Variants in SLC4A4 observed in about 807,000 individuals in gnomAD.
The protein encoded by SLC4A4 is solute carrier family 4 member 4, also known as electrogenic sodium bicarbonate cotransporter 1.
In SLC4A4, 27 loss-of-function variants were observed where a neutral mutation model predicts 111.5. The ratio of observed to expected loss-of-function variants is 0.24; its 90% CI spans 0.18 to 0.33. The LOEUF (loss-of-function observed/expected upper bound fraction) is 0.33, where lower values mean the gene tolerates loss of function less well. Ranked by LOEUF, SLC4A4 falls within the 10% of genes least tolerant of loss-of-function variation. The probability of loss-of-function intolerance (pLI) is 1.00; values close to 1 mark genes in which losing one functional copy is unlikely to be tolerated. For synonymous variants in SLC4A4, 443 were observed against 463.4 expected (o/e 0.96, Z 0.57); for missense variants, 909 against 1,315.5 (o/e 0.69, Z 4.78).
At chr4:71,090,791 C>T (rs1490699344) in intron 1 of SLC4A4, among the ~76,000 whole-genome samples, 4 of 152,160 alleles carry the variant, frequency 2.6e-5, no homozygotes, top group African/African-American at 9.7e-5. Context: ...CAGAGTTGTT[C>T]AGAGAAAGGC....
chr4:71,536,465 C>CATATATATATATATATATATATATAT (rs869091643), intron 18 of SLC4A4, among the ~76,000 whole-genome samples: 5 of 40,696 alleles, frequency 1.2e-4, no homozygotes, highest in Non-Finnish European at 2.0e-4. Context: ...TACATATATA[C>CATATATATATATATATATATATATAT]ATATATATAT....
rs545326015 is a variant in SLC4A4, at chr4:71,194,199, A to G, written c.-2+6798A>G. ...ATCCGTGTCTTTTTTCATTATTAAA[A>G]TAATTATAAAACCTCATTCACAGAG... On this transcript the variant is annotated intron_variant, in intron 1 of 25. Transcript: ENST00000264485. Among the ~76,000 whole-genome samples, 3 of 152,370 alleles carry G rather than the reference A, an allele frequency of 2.0e-5. No homozygotes were observed. The South Asian group carries it at 6.2e-4, about 32-fold the overall frequency.
intron 5 of SLC4A4, among the ~76,000 whole-genome samples, chr4:71,355,727 T>C (rs527779662): frequency 1.6e-4 from 25 of 152,340 alleles, no homozygotes; most frequent in African/African-American, 6.0e-4. Context: ...AGATGGACTT[T>C]TGAGAAATTC....
At chr4:71,360,577 G>A (rs1272543625) in intron 6 of SLC4A4, among the ~76,000 whole-genome samples, 1 of 152,028 alleles carries the variant, frequency 6.6e-6, no homozygotes, top group Non-Finnish European at 1.5e-5. Context: ...TTTCACTTTT[G>A]TCTTATTGGT....
intron 2 of SLC4A4, among the ~76,000 whole-genome samples, chr4:71,134,502 C>T (rs566177125): frequency 6.6e-6 from 1 of 152,346 alleles, no homozygotes; most frequent in African/African-American, 2.4e-5. Flanking sequence ...TCTGTATCCT[C>T]ATTCTGGGAC....
chr4:71,314,761 C>T (rs1284035338), intron 3 of SLC4A4, among the ~76,000 whole-genome samples: 1 of 151,508 alleles, frequency 6.6e-6, no homozygotes, highest in Non-Finnish European at 1.5e-5. Flanking sequence ...ACACTGGGGC[C>T]TTTCGGGGAG....
intron 6 of SLC4A4, among the ~76,000 whole-genome samples, chr4:71,385,646 A>G (rs1718646950): frequency 6.6e-6 from 1 of 152,088 alleles, no homozygotes; most frequent in South Asian, 2.1e-4. Context: ...CTGTAAGTAC[A>G]TTTTCTTTTG....
At chr4:71,460,299 A>T (rs935997365) in intron 12 of SLC4A4, among the ~76,000 whole-genome samples, 1 of 152,060 alleles carries the variant, frequency 6.6e-6, no homozygotes, top group Non-Finnish European at 1.5e-5. Flanking sequence ...TTTTTTATCC[A>T]TCTGGAATTG....
chr4:71,112,273 T>G (rs1408715078), intron 2 of SLC4A4, among the ~76,000 whole-genome samples: 2 of 152,198 alleles, frequency 1.3e-5, no homozygotes, highest in Admixed American at 6.5e-5. Context: ...AATTGTCCAA[T>G]AGTCTTTTTC....
At chr4:71,102,881 G>C (rs994487393) in intron 2 of SLC4A4, among the ~76,000 whole-genome samples, 2 of 151,466 alleles carry the variant, frequency 1.3e-5, no homozygotes, top group African/African-American at 4.9e-5. Flanking sequence ...AAAATAACCA[G>C]CTAACATCAT....
At chr4:71,263,767 T>A (rs1722038216) in intron 3 of SLC4A4, among the ~76,000 whole-genome samples, 2 of 152,228 alleles carry the variant, frequency 1.3e-5, no homozygotes, top group Admixed American at 6.5e-5. Context: ...AAATTGTGCA[T>A]GTTTTTAAAA....
intron 15 of SLC4A4, among the ~76,000 whole-genome samples, chr4:71,488,989 C>T (rs78850284): frequency 0.023 from 3,462 of 149,216 alleles, 51 homozygotes; most frequent in South Asian, 0.062. Flanking sequence ...TATCATTACC[C>T]GTATTTATAT....
At chr4:71,239,362 T>G (rs1161173735) in intron 2 of SLC4A4, among the ~76,000 whole-genome samples, 1 of 152,220 alleles carries the variant, frequency 6.6e-6, no homozygotes, top group Non-Finnish European at 1.5e-5. Context: ...CTTGTTACTT[T>G]GAAATATTTG....
chr4:71,346,531 T>G (rs1729346367), intron 4 of SLC4A4, among the ~76,000 whole-genome samples: 1 of 152,128 alleles, frequency 6.6e-6, no homozygotes, highest in Non-Finnish European at 1.5e-5. Context: ...GTCTGTTTTT[T>G]TTTTTTAAAC....
chr4:71,096,395 G>A (rs1400351460), intron 2 of SLC4A4, among the ~76,000 whole-genome samples: 1 of 152,128 alleles, frequency 6.6e-6, no homozygotes, highest in Admixed American at 6.6e-5. Flanking sequence ...AGGCAGAGAA[G>A]CACTGCAAAG....
At chr4:71,117,390 T>C (rs910347319) in intron 2 of SLC4A4, among the ~76,000 whole-genome samples, 6 of 152,334 alleles carry the variant, frequency 3.9e-5, no homozygotes, top group African/African-American at 1.4e-4. Flanking sequence ...GGCTTGTGAA[T>C]GATTCTGTCC....
chr4:71,161,069 A>G (rs946517025), intron 2 of SLC4A4, among the ~76,000 whole-genome samples: 27 of 152,226 alleles, frequency 1.8e-4, no homozygotes, highest in Admixed American at 1.7e-3. Context: ...GCTGAGGGCC[A>G]GAGGGCGGAG....
chr4:71,488,877 T>C (rs1277407060), intron 15 of SLC4A4, among the ~76,000 whole-genome samples: 1 of 134,732 alleles, frequency 7.4e-6, no homozygotes. Flanking sequence ...GGAAAGAAGT[T>C]AGAAGAAAAA....
chr4:71,194,572 G>T (rs2148997329), intron 1 of SLC4A4, among the ~76,000 whole-genome samples: 1 of 152,248 alleles, frequency 6.6e-6, no homozygotes, highest in South Asian at 2.1e-4. Context: ...AGCAGTTTGA[G>T]ATCACCCATT....
Sources: gnomAD v4.1 joint callset for allele counts (sites outside exome capture counted in the v4.1 genomes callset) on GRCh38, gnomAD v4.1.1 for gene constraint, MANE v1.5 for transcripts, NCBI Gene and HGNC (gene_info 2026-07-23, HGNC 2026-07-21) for gene names.